Variants in CTNNA3 observed in about 807,000 individuals in gnomAD.
CTNNA3 encodes the protein catenin alpha-3.
Under a neutral mutation model 95.7 loss-of-function variants are expected in CTNNA3, and 76 were observed. That is an observed-to-expected ratio of 0.79 (90% CI 0.66 to 0.96). CTNNA3 has a LOEUF of 0.96. Among genes scored for constraint, CTNNA3 ranks in the 40% least tolerant of loss-of-function variants. The pLI is 0.00. For missense variants in CTNNA3, 1,191 were observed against 1,089.8 expected, an observed-to-expected ratio of 1.09 and a Z score of -1.31; for synonymous variants, 431 against 374.4, an observed-to-expected ratio of 1.15 and a Z score of -1.74.
At chr10:67,145,179 A>C (rs1484959014) in intron 7 of CTNNA3, among the ~76,000 whole-genome samples, 1 of 152,172 alleles carries the variant, frequency 6.6e-6, no homozygotes, top group Non-Finnish European at 1.5e-5. Context: ...AATAATTACA[A>C]TAATAACATC....
intron 10 of CTNNA3, among the ~76,000 whole-genome samples, chr10:66,614,454 A>G (rs376952903): frequency 6.6e-6 from 1 of 152,104 alleles, no homozygotes; most frequent in African/African-American, 2.4e-5. Context: ...TTTCCATGCT[A>G]AAATATGAAT....
chr10:67,262,079 T>C lies in CTNNA3; in HGVS notation c.580-42209A>G, dbSNP rs1019530787. Among the ~76,000 whole-genome samples, 6 of 152,064 alleles carry C rather than the reference T, an allele frequency of 3.9e-5. No individual in the cohort carries two copies. In the South Asian group the frequency reaches 6.2e-4, roughly 16 times the overall value. ...ATAATATTAAATATAAATTGCTCAA[T>C]CTCATTCAATATTTCAATGATCTGA... On this transcript the variant is annotated intron_variant, in intron 5 of 17. Coordinates refer to ENST00000433211, the MANE Select transcript of CTNNA3 (RefSeq NM_013266.4).
chr10:66,477,093 T>C (rs1180552333), intron 11 of CTNNA3, among the ~76,000 whole-genome samples: 1 of 152,158 alleles, frequency 6.6e-6, no homozygotes, highest in Non-Finnish European at 1.5e-5. Flanking sequence ...TTATAAATTA[T>C]ATTTCATAAT....
chr10:66,929,077 G>T (rs141795067), intron 7 of CTNNA3, among the ~76,000 whole-genome samples: 1 of 152,208 alleles, frequency 6.6e-6, no homozygotes, highest in African/African-American at 2.4e-5. Context: ...CAGGGACAAA[G>T]TGATGAAGGG....
At chr10:66,768,769 C>G (rs1367597025) in intron 8 of CTNNA3, among the ~76,000 whole-genome samples, 1 of 104,284 alleles carries the variant, frequency 9.6e-6, no homozygotes, top group Non-Finnish European at 1.9e-5. Context: ...TAAAGAAAAA[C>G]TTAGAGACTG....
intron 12 of CTNNA3, among the ~76,000 whole-genome samples, chr10:66,375,112 A>G (rs2092786202): frequency 6.6e-6 from 1 of 152,244 alleles, no homozygotes; most frequent in African/African-American, 2.4e-5. Flanking sequence ...TGATGTGAGA[A>G]ACAAGGGGTA....
intron 12 of CTNNA3, among the ~76,000 whole-genome samples, chr10:66,286,050 T>C (rs1430095568): frequency 1.3e-5 from 2 of 152,172 alleles, no homozygotes; most frequent in African/African-American, 2.4e-5. Context: ...ATAATATATA[T>C]GGTGCTATGA....
chr10:66,907,217 C>G (rs1468547013), intron 7 of CTNNA3, among the ~76,000 whole-genome samples: 1 of 152,190 alleles, frequency 6.6e-6, no homozygotes, highest in East Asian at 1.9e-4. Context: ...TAAGCTTACT[C>G]AGAGGTAAGT....
intron 3 of CTNNA3, among the ~76,000 whole-genome samples, chr10:67,557,295 T>C (rs964487118): frequency 6.6e-6 from 1 of 152,236 alleles, no homozygotes; most frequent in Non-Finnish European, 1.5e-5. Context: ...AAGAGCTTTA[T>C]ATAATAAACC....
rs1266113804 is a variant in CTNNA3 at position 66,619,477 on chromosome 10, C to T, written c.1374+2215G>A. On this transcript the variant is annotated intron_variant, in intron 10 of 17. Coordinates refer to ENST00000433211, the MANE Select transcript of CTNNA3 (RefSeq NM_013266.4). ...GTCGCAAGGACAAAAAAAACAAACA[C>T]CGCATTTTCTCACTCACAGGTGGGA... 7.1e-5 allele frequency among the ~76,000 whole-genome samples: 8 copies of T among 112,310 alleles called. 2 individuals are homozygous for T. The highest frequency in any genetic ancestry group is 1.9e-5 in the Non-Finnish European group (1 of 51,854). 73.7% of individuals were successfully genotyped at this position (112,310 alleles called of 152,430 possible). A position where few individuals can be genotyped will look rare whatever the true frequency, so the allele number is the denominator to read the frequency against.
At chr10:67,363,887 C>T (rs1483452054) in intron 5 of CTNNA3, among the ~76,000 whole-genome samples, 1 of 152,130 alleles carries the variant, frequency 6.6e-6, no homozygotes, top group East Asian at 1.9e-4. Flanking sequence ...CCAAACTCTT[C>T]CAGAGGTACA....
intron 3 of CTNNA3, among the ~76,000 whole-genome samples, chr10:67,600,929 C>T (rs1031196827): frequency 4.6e-5 from 7 of 152,116 alleles, no homozygotes; most frequent in Non-Finnish European, 1.5e-5. Flanking sequence ...ACACAAAATA[C>T]AACATACTGT....
At chr10:67,244,582 C>T (rs1240266033) in intron 5 of CTNNA3, among the ~76,000 whole-genome samples, 1 of 152,124 alleles carries the variant, frequency 6.6e-6, no homozygotes, top group African/African-American at 2.4e-5. Flanking sequence ...AAATCAAGTA[C>T]CCAGCTCTGC....
chr10:67,470,467 A>C (rs1202050256), intron 5 of CTNNA3, among the ~76,000 whole-genome samples: 1 of 152,196 alleles, frequency 6.6e-6, no homozygotes, highest in African/African-American at 2.4e-5. Context: ...TTTTAAAATC[A>C]GCTTCTCAAA....
chr10:66,523,022 G>A (rs1008967581), intron 10 of CTNNA3, among the ~76,000 whole-genome samples: 10 of 151,658 alleles, frequency 6.6e-5, no homozygotes, highest in African/African-American at 2.2e-4. Context: ...CTCTTTTTTT[G>A]TTTCTTTTCT....
In CTNNA3 at chr10:66,024,403, T is replaced by C. The variant is rs189996423; in HGVS notation, c.2160-35606A>G. Among the ~76,000 whole-genome samples, 3 of 152,288 alleles carry C rather than the reference T, an allele frequency of 2.0e-5. No individual in the cohort carries two copies. The East Asian group carries it at 5.8e-4, about 30-fold the overall frequency. ...CACGCCCGACCCCATGCAAAACTTT[T>C]AAAAAATCAAAATTTACCCAAAGTC... On this transcript the variant is annotated intron_variant, in intron 15 of 17. Transcript: ENST00000433211.
chr10:67,014,819 T>C (rs1204051930), intron 7 of CTNNA3, among the ~76,000 whole-genome samples: 3 of 152,040 alleles, frequency 2.0e-5, no homozygotes, highest in Non-Finnish European at 4.4e-5. Flanking sequence ...ATTCCAAACA[T>C]AGCTAAATGT....
intron 7 of CTNNA3, among the ~76,000 whole-genome samples, chr10:66,782,919 T>A (rs1046113214): frequency 2.0e-5 from 3 of 152,138 alleles, no homozygotes; most frequent in African/African-American, 7.2e-5. Flanking sequence ...ATGGGGTTTC[T>A]AAAATAAGCT....
intron 7 of CTNNA3, among the ~76,000 whole-genome samples, chr10:67,094,911 A>G (rs1173206415): frequency 3.3e-5 from 5 of 151,672 alleles, no homozygotes; most frequent in African/African-American, 1.2e-4. Flanking sequence ...AGATGTCATG[A>G]GTATGTAAAA....
Sources: gnomAD v4.1 joint callset for allele counts (sites outside exome capture counted in the v4.1 genomes callset) on GRCh38, gnomAD v4.1.1 for gene constraint, MANE v1.5 for transcripts, NCBI Gene and HGNC (gene_info 2026-07-23, HGNC 2026-07-21) for gene names.